The following TBL1X variants were observed in gnomAD, a reference collection of about 807,000 sequenced individuals.
TBL1X encodes F-box-like/WD repeat-containing protein TBL1X.
In TBL1X, 10 loss-of-function variants were observed where a neutral mutation model predicts 50.7. That is an observed-to-expected ratio of 0.20 (90% CI 0.12 to 0.33). TBL1X has a LOEUF of 0.33. Among genes scored for constraint, TBL1X ranks in the 10% least tolerant of loss-of-function variants. The pLI is 1.00. For synonymous variants in TBL1X, 190 were observed against 214.7 expected (o/e 0.88, Z 1.01); for missense variants, 340 against 504.4 (o/e 0.67, Z 3.12).
chrX:9,604,147 C>T (rs73631501), intron 2 of TBL1X, among the ~76,000 whole-genome samples: 8,036 of 111,748 alleles, frequency 0.072, 252 homozygotes, highest in Middle Eastern at 0.12. Context: ...CCCAATTCCC[C>T]TGGTATACTC....
chrX:9,585,804 C>T (rs898966687), intron 2 of TBL1X, among the ~76,000 whole-genome samples: 1 of 111,603 alleles, frequency 9.0e-6, no homozygotes, highest in African/African-American at 3.3e-5. Context: ...ACATGTACGG[C>T]GACCTTATGT....
intron 2 of TBL1X, chrX:9,639,962 A>G (rs1305016511): frequency 8.9e-6 from 1 of 112,428 alleles, no homozygotes; most frequent in Non-Finnish European, 1.9e-5. Context: ...TTAAATCTTT[A>G]AATTATCTTT....
intron 2 of TBL1X, among the ~76,000 whole-genome samples, chrX:9,601,253 G>A (rs918379440): frequency 1.8e-5 from 2 of 111,076 alleles, no homozygotes; most frequent in Middle Eastern, 4.6e-3. Flanking sequence ...ATATAGGGAG[G>A]CATTCCAGTG....
intron 17 of TBL1X, 79 bp from the exon 18 acceptor site, chrX:9,716,141 C>G (rs1262081679): frequency 6.4e-6 from 7 of 1,085,658 alleles, no homozygotes; most frequent in Non-Finnish European, 8.9e-6. Flanking sequence ...GCGTGGGGGC[C>G]GTAGCTTGCC....
At chrX:9,696,397 C>A (rs2083131694) in intron 11 of TBL1X, among the ~76,000 whole-genome samples, 1 of 112,781 alleles carries the variant, frequency 8.9e-6, no homozygotes, top group Non-Finnish European at 1.9e-5. Context: ...AAAGCAAAAT[C>A]TTGACTGAGC....
chrX:9,548,214 T>C (rs1418192595), intron 2 of TBL1X, among the ~76,000 whole-genome samples: 3 of 110,924 alleles, frequency 2.7e-5, no homozygotes, highest in Non-Finnish European at 5.7e-5. Context: ...TTTTAAGATA[T>C]GCATATTTTA....
chrX:9,525,233 A>G (rs759538281), intron 2 of TBL1X, among the ~76,000 whole-genome samples: 3 of 111,918 alleles, frequency 2.7e-5, no homozygotes, highest in Non-Finnish European at 5.6e-5. Context: ...CCCCGTAGGC[A>G]GTCTTAAGAG....
chrX:9,685,723 T>TC (rs943791288), intron 6 of TBL1X, among the ~76,000 whole-genome samples: 9 of 93,296 alleles, frequency 9.6e-5, no homozygotes, highest in South Asian at 1.1e-3. Flanking sequence ...TTTTCTTTTT[T>TC]TTTTTTTTTT....
At chrX:9,510,625 C>T (rs150918988) in intron 2 of TBL1X, among the ~76,000 whole-genome samples, 277 of 112,138 alleles carry the variant, frequency 2.5e-3, no homozygotes, top group African/African-American at 8.7e-3. Context: ...CCATAGTATT[C>T]AGATATTTGG....
intron 5 of TBL1X, 44 bp downstream of exon 5, chrX:9,654,366 A>G: frequency 8.7e-7 from 1 of 1,154,575 alleles, no homozygotes; most frequent in Non-Finnish European, 1.2e-6. Context: ...CATCTACAGC[A>G]TCTTACAAGC....
intron 2 of TBL1X, among the ~76,000 whole-genome samples, chrX:9,590,220 C>T (rs1469753893): frequency 2.7e-5 from 3 of 111,370 alleles, no homozygotes; most frequent in African/African-American, 6.5e-5. Context: ...TGTGCTGTGC[C>T]GGGTCTTAAC....
chrX:9,589,321 G>T (rs1378592612), intron 2 of TBL1X, among the ~76,000 whole-genome samples: 1 of 108,994 alleles, frequency 9.2e-6, no homozygotes, highest in Non-Finnish European at 1.9e-5. Context: ...TGGGGGCAGG[G>T]TTGTTTGCGT....
Position 9,684,185 on chromosome X carries a change from C to T in TBL1X, c.354C>T (p.Asn118=), listed in dbSNP as rs780157551. The T allele has an allele frequency of 6.6e-6, 8 of 1,210,158 alleles. No individual in the cohort carries two copies. The highest frequency in any genetic ancestry group is 3.5e-5 in the South Asian group (2 of 56,843). ...LQYVEAEISI[N]EDGTVFDGRP... ...ATGTAGAGGCCGAGATCAGTATCAA[C>T]GAGGTACGTAGCTGCTGGGCCCGGC... The change falls in exon 6 of 18, where the codon AAC becomes AAT. Residue 118 remains asparagine (N), a synonymous_variant. Coordinates refer to ENST00000645353, the MANE Select transcript of TBL1X (RefSeq NM_005647.4).
At chrX:9,705,214 C>A in intron 13 of TBL1X, 100 bp downstream of exon 13, 1 of 1,157,304 alleles carries the variant, frequency 8.6e-7, no homozygotes, top group South Asian at 1.9e-5. Flanking sequence ...AGCAGCAGAC[C>A]AGCTCTAATG....
intron 2 of TBL1X, among the ~76,000 whole-genome samples, chrX:9,626,961 G>T (rs1473524575): frequency 8.9e-6 from 1 of 112,232 alleles, no homozygotes; most frequent in Non-Finnish European, 1.9e-5. Flanking sequence ...CTGATGTAAG[G>T]TTCCACACTT....
intron 1 of TBL1X, among the ~76,000 whole-genome samples, chrX:9,498,575 A>G (rs769696303): frequency 8.9e-6 from 1 of 112,549 alleles, no homozygotes; most frequent in Admixed American, 9.3e-5. Context: ...CAGGGCTCCC[A>G]GTAGTTTGTT....
chrX:9,567,947 G>A (rs2082360097), intron 2 of TBL1X, among the ~76,000 whole-genome samples: 1 of 112,158 alleles, frequency 8.9e-6, no homozygotes. Context: ...CTTCCAGGCC[G>A]TCAGTTCAAT....
At chrX:9,695,477 T>C (rs993926940) in intron 11 of TBL1X, among the ~76,000 whole-genome samples, 1 of 112,902 alleles carries the variant, frequency 8.9e-6, no homozygotes, top group Non-Finnish European at 1.9e-5. Flanking sequence ...TCAAGTAACA[T>C]GCATACGCAG....
chrX:9,661,452 G>C (rs1205965622), intron 5 of TBL1X, among the ~76,000 whole-genome samples: 1 of 111,590 alleles, frequency 9.0e-6, no homozygotes, highest in Non-Finnish European at 1.9e-5. Flanking sequence ...CTGAGCCTGG[G>C]AGGTCAAGGC....
Sources: allele counts gnomAD v4.1 joint callset (sites outside exome capture counted in the v4.1 genomes callset), GRCh38; gene constraint gnomAD v4.1.1; transcripts MANE v1.5; gene names NCBI Gene and HGNC (gene_info 2026-07-23, HGNC 2026-07-21).